The following RAB5A variants were observed in gnomAD, a reference collection of about 807,000 sequenced individuals.
The protein encoded by RAB5A is RAB5A, member RAS oncogene family.
Under a neutral mutation model 25.7 loss-of-function variants are expected in RAB5A, and 8 were observed. The observed-to-expected ratio is 0.31, with a 90% CI of 0.18 to 0.56. The LOEUF is 0.56. RAB5A is among the 20% of genes least tolerant of loss of function. The pLI is 0.91. For synonymous variants in RAB5A, 98 were observed against 89.8 expected (o/e 1.09, Z -0.52); for missense variants, 192 against 259.7 (o/e 0.74, Z 1.79).
At position 19,947,285 on chromosome 3, in the gene RAB5A, C is replaced by CGGCGGCGGA. The variant is rs1336582507; in HGVS notation, c.-328_-327insCGGCGGAGG. On this transcript the variant is annotated 5_prime_UTR_variant, in exon 1 of 6. Transcript: ENST00000273047. ...CCAGCGCCGGCGGCGGCGGCGGCGG[C>CGGCGGCGGA]GGAGGAGGAGAAAGGAAAGAGGAAG... The CGGCGGCGGA allele has an allele frequency of 1.4e-4, 25 of 183,240 alleles. No homozygotes were observed. Among genetic ancestry groups the CGGCGGCGGA allele is most frequent in the Non-Finnish European group, 2.0e-4 (19 of 96,516 alleles). 11.4% of individuals were successfully genotyped at this position (183,240 alleles called of 1,614,324 possible).
At chr3:19,951,251 T>A (rs572457175) in intron 2 of RAB5A, 190 bp downstream of exon 2, 6 of 580,566 alleles carry the variant, frequency 1.0e-5, no homozygotes, top group South Asian at 8.4e-5. Context: ...TATTTGATTG[T>A]TTGGTTAATC....
rs1173905357 is a variant in RAB5A at position 19,984,237 on chromosome 3, C to T, written c.*414C>T. On this transcript the variant is annotated 3_prime_UTR_variant, in exon 6 of 6. Transcript: ENST00000273047. Reference sequence around the variant, plus strand: ...AACATTCTTTGTTTAGAAGGAGATTCTAAAGTTATTTATGATGCTTAGCCA... The same window carrying T: ...AACATTCTTTGTTTAGAAGGAGATTTTAAAGTTATTTATGATGCTTAGCCA... 2 of 420,326 alleles carry T rather than the reference C, an allele frequency of 4.8e-6. No individual in the cohort carries two copies. Among genetic ancestry groups the T allele is most frequent in the African/African-American group, 4.3e-5 (2 of 47,044 alleles). The allele number at this position is 420,326 out of a possible 1,614,324, so 26.0% of individuals were successfully genotyped here. A position where few individuals can be genotyped will look rare whatever the true frequency, so the allele number is the denominator to read the frequency against.
At chr3:19,971,994 A>G (rs780055622) in intron 2 of RAB5A, among the ~76,000 whole-genome samples, 7 of 152,154 alleles carry the variant, frequency 4.6e-5, no homozygotes, top group Non-Finnish European at 1.0e-4. Flanking sequence ...ACAAGGATTT[A>G]TATTAAATGT....
intron 2 of RAB5A, among the ~76,000 whole-genome samples, chr3:19,965,169 G>A (rs1170506306): frequency 3.3e-5 from 5 of 152,076 alleles, no homozygotes; most frequent in South Asian, 2.1e-4. Context: ...TGATCCACCC[G>A]CCTCGGCCCC....
chr3:19,975,218 A>AC (rs1320070824), intron 2 of RAB5A, among the ~76,000 whole-genome samples: 1 of 150,184 alleles, frequency 6.7e-6, no homozygotes, highest in Middle Eastern at 3.2e-3. Context: ...TTGTATCAAA[A>AC]AAAAAAAAAA....
intron 5 of RAB5A, among the ~76,000 whole-genome samples, chr3:19,982,191 T>C (rs1220416088): frequency 1.3e-5 from 2 of 152,170 alleles, no homozygotes; most frequent in Admixed American, 6.5e-5. Context: ...TGAGCTATGA[T>C]TGATGCACCA....
In RAB5A at chr3:19,951,050, G is replaced by A. The variant is rs1222784580; in HGVS notation, c.152G>A (p.Ser51Asn). 4 of 1,613,148 alleles carry A rather than the reference G, an allele frequency of 2.5e-6. No homozygotes were observed. The highest frequency in any genetic ancestry group is 3.4e-6 in the Non-Finnish European group (4 of 1,179,590). The change falls in exon 2 of 6, where the codon AGT becomes AAT. Residue 51 changes from serine to asparagine, a missense_variant. This residue lies in a region of RAB5A where 39 missense variants were observed against 91.6 expected (regional missense o/e 0.43). Coordinates refer to ENST00000273047, the MANE Select transcript of RAB5A (RefSeq NM_004162.5). ...VKGQFHEFQE[S>N]TIGAAFLTQT... ...GGCCAATTTCATGAATTTCAAGAGA[G>A]TACCATTGGGGGTGAGATTTTCTTT...
chr3:19,975,631 A>C lies in RAB5A; in HGVS notation c.194A>C (p.Asp65Ala), dbSNP rs770773757. The C allele has an allele frequency of 2.0e-5, 33 of 1,613,708 alleles. No homozygotes were observed. Among genetic ancestry groups the C allele is most frequent in the Non-Finnish European group, 2.7e-5 (32 of 1,179,908 alleles). ...AAFLTQTVCL[D>A]DTTVKFEIWD... ...TTTCTAACCCAAACTGTATGTCTTGATGACACTACAGTAAAGTTTGAAATA... is the reference window on the plus strand; with the variant it reads ...TTTCTAACCCAAACTGTATGTCTTGCTGACACTACAGTAAAGTTTGAAATA... Residue 65 changes from aspartate (D) to alanine (A), a missense_variant, in exon 3 of 6, where the codon GAT becomes GCT. By Grantham distance (126) the Asp-to-Ala change is moderately radical. Around this residue, in one of 3 missense-constraint regions of RAB5A, gnomAD observed 39 missense variants for 91.6 expected, o/e 0.43. Transcript: ENST00000273047.
chr3:19,983,604 CT>C, intron 5 of RAB5A, 103 bp from the exon 6 acceptor site: 1 of 765,010 alleles, frequency 1.3e-6, no homozygotes, highest in Non-Finnish European at 2.3e-6. Flanking sequence ...TTATATGATA[CT>C]TTGGGGGTAA....
At chr3:19,963,508 CA>C (rs1186515178) in intron 2 of RAB5A, among the ~76,000 whole-genome samples, 6 of 151,918 alleles carry the variant, frequency 3.9e-5, no homozygotes, top group African/African-American at 1.5e-4. Flanking sequence ...GAGATACATC[CA>C]GTTTCTTTGG....
chr3:19,962,659 G>A (rs1046413425), intron 2 of RAB5A, among the ~76,000 whole-genome samples: 1 of 152,122 alleles, frequency 6.6e-6, no homozygotes, highest in South Asian at 2.1e-4. Context: ...CCTTGCATGG[G>A]TCATATTAGT....
chr3:19,985,167 A>G lies in RAB5A; in HGVS notation c.*1344A>G. ...TGCTCAGGTTGGAATAAAGTGGTAT[A>G]AAAAGCAAGTATCGGCTTTTCTCTT... On this transcript the variant is annotated 3_prime_UTR_variant, in exon 6 of 6. Coordinates refer to ENST00000273047, the MANE Select transcript of RAB5A (RefSeq NM_004162.5). 1 of 490,952 alleles carries G rather than the reference A, an allele frequency of 2.0e-6. No individual in the cohort carries two copies. The highest frequency in any genetic ancestry group is 3.9e-5 in the Admixed American group (1 of 25,832). The allele number at this position is 490,952 out of a possible 1,614,324, so 30.4% of individuals were successfully genotyped here.
intron 5 of RAB5A, chr3:19,979,011 C>G (rs1332588862): frequency 1.3e-5 from 2 of 151,472 alleles, no homozygotes; most frequent in East Asian, 1.9e-4. Context: ...CAGTCTCGCT[C>G]TGTCGCCCAG....
chr3:19,963,733 C>T (rs1696624224), intron 2 of RAB5A, among the ~76,000 whole-genome samples: 1 of 152,100 alleles, frequency 6.6e-6, no homozygotes, highest in Admixed American at 6.6e-5. Flanking sequence ...CAGCCTCCAC[C>T]CCCTGGGCTC....
At chr3:19,973,201 C>A (rs1696776456) in intron 2 of RAB5A, among the ~76,000 whole-genome samples, 1 of 152,096 alleles carries the variant, frequency 6.6e-6, no homozygotes, top group Non-Finnish European at 1.5e-5. Context: ...TAGAACCAGT[C>A]CTTCATGATA....
At chr3:19,974,491 G>A (rs1229509318) in intron 2 of RAB5A, among the ~76,000 whole-genome samples, 1 of 151,966 alleles carries the variant, frequency 6.6e-6, no homozygotes, top group Non-Finnish European at 1.5e-5. Flanking sequence ...TAGAATCAGG[G>A]AAAGTACAGA....
intron 2 of RAB5A, among the ~76,000 whole-genome samples, chr3:19,958,158 A>C (rs1696532249): frequency 6.6e-6 from 1 of 152,230 alleles, no homozygotes. Context: ...GATTCGTGAG[A>C]AAAATTGTGT....
At position 19,970,052 on chromosome 3, in the gene RAB5A, G is replaced by T. The variant is rs1224575671; in HGVS notation, c.164-5549G>T. 1.1e-4 allele frequency among the ~76,000 whole-genome samples: 3 copies of T among 28,360 alleles called. 1 individual carries two copies. Among genetic ancestry groups the T allele is most frequent in the Non-Finnish European group, 3.9e-4 (3 of 7,670 alleles). The allele number at this position is 28,360 out of a possible 152,430, so 18.6% of individuals were successfully genotyped here. On this transcript the variant is annotated intron_variant, in intron 2 of 5. Transcript: ENST00000273047. ...CCAGACCTTGTGATCCACCCACCTC[G>T]GCCACCATGCCCGGCTAATTTGTAT...
At chr3:19,956,693 A>G (rs556292225) in intron 2 of RAB5A, among the ~76,000 whole-genome samples, 3 of 152,340 alleles carry the variant, frequency 2.0e-5, no homozygotes, top group South Asian at 2.1e-4. Context: ...AGAATAAACT[A>G]TTGTGGTTAA....
Sources: allele counts gnomAD v4.1 joint callset (sites outside exome capture counted in the v4.1 genomes callset), GRCh38; gene constraint gnomAD v4.1.1; regional missense constraint gnomAD v4.1.1; transcripts MANE v1.5; gene names NCBI Gene and HGNC (gene_info 2026-07-23, HGNC 2026-07-21).